SUPT5H: variants seen among roughly 807,000 people sequenced by gnomAD.
SUPT5H encodes the protein transcription elongation factor SPT5.
SUPT5H carries 24 observed loss-of-function variants against 142.5 expected under a neutral mutation model. The ratio of observed to expected loss-of-function variants is 0.17; its 90% CI spans 0.12 to 0.24. The LOEUF (loss-of-function observed/expected upper bound fraction) is 0.24. SUPT5H is among the 10% of genes least tolerant of loss of function. The pLI is 1.00. For synonymous variants in SUPT5H, 546 were observed against 553.0 expected, an observed-to-expected ratio of 0.99 and a Z score of 0.18; for missense variants, 893 against 1,471.8, an observed-to-expected ratio of 0.61 and a Z score of 6.43.
At chr19:39,454,272 C>G (rs2079057406) in intron 3 of SUPT5H, among the ~76,000 whole-genome samples, 1 of 151,958 alleles carries the variant, frequency 6.6e-6, no homozygotes, top group Non-Finnish European at 1.5e-5. Context: ...ACAGACCACC[C>G]CAGATGAAAA....
chr19:39,469,705 C>A lies in SUPT5H; in HGVS notation c.1374+307C>A. ...AACCAAGGAGTAATCTGAGGCTTGA[C>A]TTTGTTTGCTTAGAGCGGGGTGTGT... On this transcript the variant is annotated intron_variant, in intron 16 of 29. Coordinates refer to ENST00000432763, the MANE Select transcript of SUPT5H (RefSeq NM_001111020.3). This position sits in a 1 kb window ranked among gnomAD's most constrained non-coding sequence, Gnocchi z 5.1. 2 of 513,802 alleles carry A rather than the reference C, an allele frequency of 3.9e-6. No homozygotes were observed. The highest frequency in any genetic ancestry group is 1.9e-5 in the African/African-American group (1 of 52,206). The allele number at this position is 513,802 out of a possible 1,614,324, so 31.8% of individuals were successfully genotyped here. A position where few individuals can be genotyped will look rare whatever the true frequency, so the allele number is the denominator to read the frequency against.
Position 39,458,869 on chromosome 19 carries a change from G to A in SUPT5H, c.371G>A (p.Arg124His). 2 of 1,613,714 alleles carry A rather than the reference G, an allele frequency of 1.2e-6. No homozygotes were observed. Among genetic ancestry groups the A allele is most frequent in the Non-Finnish European group, 1.7e-6 (2 of 1,179,772 alleles). Residue 124 changes from arginine (R) to histidine (H), a missense_variant, in exon 6 of 30, where the codon CGC becomes CAC. Physicochemically the swap from Arg to His is conservative, Grantham distance 29. Coordinates refer to ENST00000432763, the MANE Select transcript of SUPT5H (RefSeq NM_001111020.3). This position sits in a 1 kb window ranked among gnomAD's most constrained non-coding sequence, Gnocchi z 4.2. ...GATGAAGATCGTTCTGGGGCTCGCCGCCTGCAAAACCTCTGGAGGTGGGCA... is the reference window on the plus strand; with the variant it reads ...GATGAAGATCGTTCTGGGGCTCGCCACCTGCAAAACCTCTGGAGGTGGGCA... Reference protein sequence around the residue: ...VLDEDRSGARRLQNLWRDQRE... With the variant: ...VLDEDRSGARHLQNLWRDQRE...
At chr19:39,457,286 G>A (rs1254001177) in intron 3 of SUPT5H, among the ~76,000 whole-genome samples, 1 of 152,192 alleles carries the variant, frequency 6.6e-6, no homozygotes, top group Non-Finnish European at 1.5e-5. Flanking sequence ...TATGCTCTCA[G>A]CATTAGCTGT....
chr19:39,449,596 C>A (rs1271186112), intron 2 of SUPT5H, among the ~76,000 whole-genome samples: 1 of 150,064 alleles, frequency 6.7e-6, no homozygotes, highest in Non-Finnish European at 1.5e-5. Context: ...CCTGACTCTG[C>A]CTGGGGGAGA....
At position 39,473,028 on chromosome 19, in the gene SUPT5H, G is replaced by A. The variant is rs913069246; in HGVS notation, c.2172G>A (p.Val724=). The A allele has an allele frequency of 5.0e-6, 8 of 1,613,790 alleles. No homozygotes were observed. The highest frequency in any genetic ancestry group is 6.8e-6 in the Non-Finnish European group (8 of 1,179,898). ...QGPYKGYIGV[V]KDATESTARV... ...CCCCTGCAGGCTACATCGGTGTGGTGAAAGATGCCACAGAGTCCACGGCCC... is the reference window on the plus strand; with the variant it reads ...CCCCTGCAGGCTACATCGGTGTGGTAAAAGATGCCACAGAGTCCACGGCCC... Residue 724 remains valine (V), a synonymous_variant, in exon 23 of 30, where the codon GTG becomes GTA. Coordinates refer to ENST00000432763, the MANE Select transcript of SUPT5H (RefSeq NM_001111020.3). The surrounding 1 kb of genome is among the most constrained non-coding windows in gnomAD (Gnocchi z 5.8).
At chr19:39,451,118 A>G (rs1357094765) in intron 2 of SUPT5H, among the ~76,000 whole-genome samples, 1 of 146,688 alleles carries the variant, frequency 6.8e-6, no homozygotes, top group Non-Finnish European at 1.5e-5. Context: ...ATTTTGTAAT[A>G]TTTGCTGTGG....
intron 4 of SUPT5H, chr19:39,457,999 G>T (rs2146092190): frequency 2.6e-6 from 2 of 765,934 alleles, no homozygotes; most frequent in South Asian, 3.3e-5. Flanking sequence ...CCCTTCTGGG[G>T]TTGTAGGGTG....
Position 39,445,855 on chromosome 19 carries a change from C to G in SUPT5H, c.-36C>G. ...GGGTGGAGCGCAGGATTGTGGGACG[C>G]GCCAAGGCTGCTGTCTTTCCCAGCA... On this transcript the variant is annotated 5_prime_UTR_variant, in exon 2 of 30. Coordinates refer to ENST00000432763, the MANE Select transcript of SUPT5H (RefSeq NM_001111020.3). 1 of 1,608,688 alleles carries G rather than the reference C, an allele frequency of 6.2e-7. No individual in the cohort carries two copies. The highest frequency in any genetic ancestry group is 1.1e-5 in the South Asian group (1 of 90,252).
intron 13 of SUPT5H, 122 bp from the exon 14 acceptor site, chr19:39,468,634 G>A: frequency 1.3e-6 from 1 of 794,136 alleles, no homozygotes; most frequent in Non-Finnish European, 2.1e-6. Flanking sequence ...GTGTGTGCTG[G>A]GATGGGATGG....
Position 39,472,805 on chromosome 19 carries a change from C to T in SUPT5H, c.2036-5C>T. 2 of 1,610,868 alleles carry T rather than the reference C, an allele frequency of 1.2e-6. No homozygotes were observed. The highest frequency in any genetic ancestry group is 1.1e-5 in the South Asian group (1 of 90,582). ...GGGACCAGTGACATTCTCCCCAATC[C>T]CCAGGTCAGCGTGGCGGCTTTGGTA... On this transcript the variant is annotated splice_polypyrimidine_tract_variant and splice_region_variant and intron_variant, in intron 21 of 29. Coordinates refer to ENST00000432763, the MANE Select transcript of SUPT5H (RefSeq NM_001111020.3). The surrounding 1 kb of genome is among the most constrained non-coding windows in gnomAD (Gnocchi z 4.2).
At position 39,458,913 on chromosome 19, in the gene SUPT5H, G is replaced by A. The variant is rs778218213; in HGVS notation, c.389+26G>A. 12 of 1,613,782 alleles carry A rather than the reference G, an allele frequency of 7.4e-6. No individual in the cohort carries two copies. Among genetic ancestry groups the A allele is most frequent in the Non-Finnish European group, 8.5e-6 (10 of 1,179,742 alleles). On this transcript the variant is annotated intron_variant, in intron 6 of 29. Coordinates refer to ENST00000432763, the MANE Select transcript of SUPT5H (RefSeq NM_001111020.3). This position sits in a 1 kb window ranked among gnomAD's most constrained non-coding sequence, Gnocchi z 4.2. ...GTGGGCAAGGAAGGGAAACGTGGTG[G>A]GATTGGCTCCTGTGGGGAGATTTGG...
In SUPT5H at chr19:39,458,253, C is replaced by T; in HGVS notation, c.308-41C>T. The stretch of plus-strand genomic sequence containing the variant: ...TCGCCCACCACCACCACCACCACCA[C>T]CACCACCACCACCACCACCACCTCC... On this transcript the variant is annotated intron_variant, in intron 4 of 29. Transcript: ENST00000432763. This position sits in a 1 kb window ranked among gnomAD's most constrained non-coding sequence, Gnocchi z 4.2. The T allele has an allele frequency of 1.3e-6, 2 of 1,482,114 alleles. No individual in the cohort carries two copies. 91.8% of individuals were successfully genotyped at this position (1,482,114 alleles called of 1,614,324 possible). A position where few individuals can be genotyped will look rare whatever the true frequency, so the allele number is the denominator to read the frequency against.
At chr19:39,448,774 C>T (rs897530869) in intron 2 of SUPT5H, among the ~76,000 whole-genome samples, 7 of 152,064 alleles carry the variant, frequency 4.6e-5, no homozygotes, top group East Asian at 3.9e-4. Flanking sequence ...CCCATCATGG[C>T]TCCAGTAACC....
chr19:39,461,478 G>A (rs778359692), intron 10 of SUPT5H, among the ~76,000 whole-genome samples: 3 of 151,890 alleles, frequency 2.0e-5, no homozygotes, highest in Non-Finnish European at 2.9e-5. Context: ...AAAGGAGTTC[G>A]AGGCCAGCCT....
chr19:39,463,860 A>G (rs114422031), intron 10 of SUPT5H, among the ~76,000 whole-genome samples: 1,705 of 151,978 alleles, frequency 0.011, 36 homozygotes, highest in African/African-American at 0.037. Flanking sequence ...TTGTAATTCT[A>G]TCTTCCTGAT....
Position 39,458,815 on chromosome 19 carries a change from C to T in SUPT5H, c.320-3C>T. 1 of 1,609,116 alleles carries T rather than the reference C, an allele frequency of 6.2e-7. No individual in the cohort carries two copies. Among genetic ancestry groups the T allele is most frequent in the East Asian group, 2.2e-5 (1 of 44,768 alleles). On this transcript the variant is annotated splice_region_variant and splice_polypyrimidine_tract_variant and intron_variant, in intron 5 of 29. Transcript: ENST00000432763. This position sits in a 1 kb window ranked among gnomAD's most constrained non-coding sequence, Gnocchi z 4.2. ...CTCACGCCCTCTGCCCATTATTTTT[C>T]AGCCTCCAATATCGATAATGTTGTC...
Position 39,472,437 on chromosome 19 carries a change from G to A in SUPT5H, c.1979G>A (p.Gly660Asp). 6.2e-7 allele frequency: 1 copy of A among 1,614,078 alleles called. No individual in the cohort carries two copies. Among genetic ancestry groups the A allele is most frequent in the South Asian group, 1.1e-5 (1 of 91,090 alleles). The change falls in exon 21 of 30, where the codon GGT (glycine) becomes GAT (aspartate). Residue 660 changes from glycine to aspartate, a missense_variant. Gly to Asp is a moderately conservative substitution (Grantham distance 94, BLOSUM62 -1). This residue lies in a region of SUPT5H where 428 missense variants were observed against 763.5 expected (regional missense o/e 0.56). Transcript: ENST00000432763. This position sits in a 1 kb window ranked among gnomAD's most constrained non-coding sequence, Gnocchi z 4.2. Reference sequence around the variant, plus strand: ...CGTGATGTGACCAACTTCACCGTGGGTGGCTTTGCGCCTATGAGTCCCCGG... The same window carrying A: ...CGTGATGTGACCAACTTCACCGTGGATGGCTTTGCGCCTATGAGTCCCCGG... ...KPRDVTNFTV[G>D]GFAPMSPRIS...
chr19:39,452,537 G>T (rs772201163), intron 2 of SUPT5H, among the ~76,000 whole-genome samples: 5 of 152,182 alleles, frequency 3.3e-5, no homozygotes, highest in African/African-American at 1.2e-4. Context: ...GGAGGGCATG[G>T]TTGGGGTGCC....
Position 39,468,875 on chromosome 19 carries a change from A to ACCT in SUPT5H, c.1143+14_1143+15insCCT. On this transcript the variant is annotated intron_variant, in intron 14 of 29. Transcript: ENST00000432763. ...ATGTCTGCTGTGGTGAGGGTCCCAG[A>ACCT]GGGGTGTTGGTAATGGGGGTGGTGT... 6.2e-7 allele frequency: 1 copy of ACCT among 1,613,326 alleles called. No homozygotes were observed.
Sources: gnomAD v4.1 joint callset for allele counts (sites outside exome capture counted in the v4.1 genomes callset) on GRCh38, gnomAD v4.1.1 for gene constraint, gnomAD v4.1.1 regional missense constraint, Gnocchi (gnomAD v3.1) non-coding constraint, MANE v1.5 for transcripts, NCBI Gene and HGNC (gene_info 2026-07-23, HGNC 2026-07-21) for gene names.